Variants in SSH2 observed in about 807,000 individuals in gnomAD.
SSH2 encodes the protein protein phosphatase Slingshot homolog 2.
In SSH2, 37 loss-of-function variants were observed where a neutral mutation model predicts 135.2. The ratio of observed to expected loss-of-function variants is 0.27; its 90% CI spans 0.21 to 0.36. The LOEUF is 0.36. SSH2 is among the 10% of genes least tolerant of loss of function. SSH2 has a pLI of 1.00. For synonymous variants in SSH2, 628 were observed against 646.2 expected, an observed-to-expected ratio of 0.97 and a Z score of 0.43; for missense variants, 1,408 against 1,765.3, an observed-to-expected ratio of 0.80 and a Z score of 3.63.
intron 2 of SSH2, among the ~76,000 whole-genome samples, chr17:29,800,950 C>CT (rs1345334983): frequency 6.6e-6 from 1 of 151,596 alleles, no homozygotes; most frequent in Non-Finnish European, 1.5e-5. Context: ...ACTGCACCCT[C>CT]TGCCTCCTGG....
At chr17:29,928,697 A>G (rs141139048) in intron 1 of SSH2, 55 of 395,902 alleles carry the variant, frequency 1.4e-4, no homozygotes, top group African/African-American at 8.0e-4. Flanking sequence ...AACCACAACC[A>G]TACACAACAA....
intron 1 of SSH2, among the ~76,000 whole-genome samples, chr17:29,913,872 G>T (rs1434119320): frequency 1.3e-5 from 2 of 151,944 alleles, no homozygotes; most frequent in African/African-American, 4.8e-5. Context: ...GACCTCAGGT[G>T]ATCCGCCCGC....
intron 1 of SSH2, among the ~76,000 whole-genome samples, chr17:29,885,283 T>C (rs1567630527): frequency 6.6e-6 from 1 of 151,574 alleles, no homozygotes. Context: ...GCTTTTTTTC[T>C]ATCAAGCAGG....
intron 1 of SSH2, among the ~76,000 whole-genome samples, chr17:29,911,638 G>A (rs1455648509): frequency 6.6e-6 from 1 of 152,078 alleles, no homozygotes; most frequent in East Asian, 1.9e-4. Flanking sequence ...TTCCAGATAA[G>A]AAATGGGAGG....
chr17:29,641,949 T>C (rs1443180667), intron 14 of SSH2, among the ~76,000 whole-genome samples: 1 of 151,640 alleles, frequency 6.6e-6, no homozygotes, highest in East Asian at 1.9e-4. Flanking sequence ...TTTTTTTTTT[T>C]TTTTTTAAAA....
At chr17:29,929,816 G>A (rs1048656068) in intron 1 of SSH2, 122 bp downstream of exon 1, 199 of 879,600 alleles carry the variant, frequency 2.3e-4, no homozygotes, top group Middle Eastern at 6.7e-4. Flanking sequence ...GTTCGCGGCA[G>A]CCGAGTGCCA....
chr17:29,712,749 A>G (rs2039485260), intron 3 of SSH2, among the ~76,000 whole-genome samples: 1 of 152,112 alleles, frequency 6.6e-6, no homozygotes, highest in Non-Finnish European at 1.5e-5. Context: ...ATTTGCACTG[A>G]GCCAAGATCA....
At chr17:29,846,678 A>G (rs144975091) in intron 2 of SSH2, among the ~76,000 whole-genome samples, 4 of 152,372 alleles carry the variant, frequency 2.6e-5, no homozygotes, top group African/African-American at 9.6e-5. Flanking sequence ...TAAATACGTG[A>G]ATGAGGTCCT....
At chr17:29,669,032 TGA>T (rs2037385249) in intron 9 of SSH2, among the ~76,000 whole-genome samples, 1 of 152,026 alleles carries the variant, frequency 6.6e-6, no homozygotes, top group South Asian at 2.1e-4. Context: ...GTGGATCACC[TGA>T]GGTTAAGAGT....
chr17:29,892,615 C>T (rs752573614), intron 1 of SSH2, among the ~76,000 whole-genome samples: 1 of 151,854 alleles, frequency 6.6e-6, no homozygotes, highest in Non-Finnish European at 1.5e-5. Context: ...CCATGACTGA[C>T]TAGCTTAAAT....
chr17:29,700,426 G>T lies in SSH2; in HGVS notation c.292+2533C>A, dbSNP rs746345247. 6.6e-5 allele frequency among the ~76,000 whole-genome samples: 10 copies of T among 151,976 alleles called. No individual in the cohort carries two copies. The South Asian group carries it at 2.1e-3, about 32-fold the overall frequency. ...TCTCTCCCTAAGACACATTTTCTACGGTTCTTTTAAAACCTCATCATCACA... is the reference window on the plus strand; with the variant it reads ...TCTCTCCCTAAGACACATTTTCTACTGTTCTTTTAAAACCTCATCATCACA... On this transcript the variant is annotated intron_variant, in intron 4 of 15. Transcript: ENST00000540801.
chr17:29,714,586 T>C (rs2039549775), intron 3 of SSH2, among the ~76,000 whole-genome samples: 3 of 152,174 alleles, frequency 2.0e-5, no homozygotes, highest in Admixed American at 1.3e-4. Flanking sequence ...CCCCAAATCC[T>C]ACTATAATCT....
chr17:29,806,332 A>T (rs2042345033), intron 2 of SSH2, among the ~76,000 whole-genome samples: 1 of 152,244 alleles, frequency 6.6e-6, no homozygotes, highest in African/African-American at 2.4e-5. Flanking sequence ...TGCTCAAAGT[A>T]ACCTAAGAGT....
chr17:29,724,537 A>C (rs1249318573), intron 3 of SSH2, among the ~76,000 whole-genome samples: 2 of 149,806 alleles, frequency 1.3e-5, no homozygotes, highest in African/African-American at 4.9e-5. Context: ...TCAAAAAAAA[A>C]AAAAAAAAAC....
chr17:29,822,931 A>G (rs1463320539), intron 2 of SSH2, among the ~76,000 whole-genome samples: 2 of 152,166 alleles, frequency 1.3e-5, no homozygotes, highest in Non-Finnish European at 2.9e-5. Context: ...ACAAAACTCA[A>G]AGAGTTTGGG....
At chr17:29,662,984 G>A (rs755282821) in intron 11 of SSH2, among the ~76,000 whole-genome samples, 1 of 152,166 alleles carries the variant, frequency 6.6e-6, no homozygotes, top group Non-Finnish European at 1.5e-5. Flanking sequence ...CAGCCAAATC[G>A]GACAGCCTCC....
chr17:29,636,143 C>G lies in SSH2; in HGVS notation c.2087G>C (p.Arg696Pro). The G allele has an allele frequency of 6.2e-7, 1 of 1,614,146 alleles. No individual in the cohort carries two copies. The highest frequency in any genetic ancestry group is 1.6e-4 in the Middle Eastern group (1 of 6,062). The change falls in exon 15 of 16, where the codon CGA (arginine) becomes CCA (proline). Residue 696 changes from arginine to proline, a missense_variant. Arg to Pro is a moderately radical substitution (Grantham distance 103). Around this residue, in one of 3 missense-constraint regions of SSH2, gnomAD observed 1,080 missense variants for 1,144.5 expected, o/e 0.94. Coordinates refer to ENST00000540801, the MANE Select transcript of SSH2 (RefSeq NM_001282129.2). ...CTCCATCCTTGAATGGGAAAAAGAT[C>G]GTGACCGGGTTTCTTGGGAGAGCTC... The part of the protein sequence containing the change: ...FVELSQETRS[R>P]SFSHSRMEEL...
intron 3 of SSH2, among the ~76,000 whole-genome samples, chr17:29,735,483 G>C (rs1483430252): frequency 1.3e-5 from 2 of 152,030 alleles, no homozygotes; most frequent in Non-Finnish European, 2.9e-5. Flanking sequence ...CATCACAGGA[G>C]GTCAGAAGTT....
intron 1 of SSH2, among the ~76,000 whole-genome samples, chr17:29,927,376 A>T (rs531969116): frequency 4.6e-5 from 7 of 152,288 alleles, no homozygotes; most frequent in African/African-American, 1.7e-4. Flanking sequence ...ACATCTTAGT[A>T]TCTACAATGG....
Sources: gnomAD v4.1 joint callset for allele counts (sites outside exome capture counted in the v4.1 genomes callset) on GRCh38, gnomAD v4.1.1 for gene constraint, gnomAD v4.1.1 regional missense constraint, MANE v1.5 for transcripts, NCBI Gene and HGNC (gene_info 2026-07-23, HGNC 2026-07-21) for gene names.